PLCE1: variants seen among roughly 807,000 people sequenced by gnomAD.
PLCE1 encodes 1-phosphatidylinositol 4,5-bisphosphate phosphodiesterase epsilon-1.
In PLCE1, 119 loss-of-function variants were observed where a neutral mutation model predicts 242.8. The ratio of observed to expected loss-of-function variants is 0.49; its 90% confidence interval spans 0.42 to 0.57. PLCE1 has a LOEUF of 0.57. Ranked by LOEUF, PLCE1 falls within the 20% of genes least tolerant of loss-of-function variation. PLCE1 has a pLI of 0.00. For synonymous variants in PLCE1, 945 were observed against 1,017.4 expected (o/e 0.93, Z 1.35); for missense variants, 2,441 against 2,788.8 (o/e 0.88, Z 2.81).
intron 5 of PLCE1, among the ~76,000 whole-genome samples, chr10:94,229,050 C>A (rs1442781836): frequency 6.6e-6 from 1 of 151,982 alleles, no homozygotes; most frequent in African/African-American, 2.4e-5. Flanking sequence ...GGCATGGTGG[C>A]AGGCGCCTGT....
At chr10:94,323,987 C>A (rs1367707913) in intron 30 of PLCE1, among the ~76,000 whole-genome samples, 1 of 152,200 alleles carries the variant, frequency 6.6e-6, no homozygotes, top group East Asian at 1.9e-4. Context: ...TCCTCACTGG[C>A]TGACTTTCAT....
intron 18 of PLCE1, among the ~76,000 whole-genome samples, chr10:94,273,345 G>A (rs899603317): frequency 2.0e-5 from 3 of 152,096 alleles, no homozygotes; most frequent in East Asian, 3.8e-4. Context: ...GAGTGGCCTC[G>A]ACCTCTCCTC....
At chr10:94,279,182 C>T (rs987582622) in intron 19 of PLCE1, 4 of 157,684 alleles carry the variant, frequency 2.5e-5, no homozygotes, top group African/African-American at 9.7e-5. Context: ...ACAGTAATTC[C>T]AGTAAACACG....
intron 2 of PLCE1, among the ~76,000 whole-genome samples, chr10:94,131,845 G>T (rs1047133091): frequency 2.0e-5 from 3 of 152,204 alleles, no homozygotes; most frequent in Non-Finnish European, 2.9e-5. Context: ...CAGAAGGAAA[G>T]GTTTGCCTTC....
At chr10:94,301,237 A>G (rs935125702) in intron 24 of PLCE1, among the ~76,000 whole-genome samples, 3 of 151,752 alleles carry the variant, frequency 2.0e-5, no homozygotes, top group Non-Finnish European at 4.4e-5. Context: ...CCAGCTACTC[A>G]GGAGGCTAAG....
At chr10:94,160,608 A>C (rs1406559944) in intron 3 of PLCE1, among the ~76,000 whole-genome samples, 1 of 152,158 alleles carries the variant, frequency 6.6e-6, no homozygotes, top group Non-Finnish European at 1.5e-5. Context: ...TGCTGTGCAG[A>C]AGCTCTTTAG....
At chr10:94,286,709 A>T (rs991533067) in intron 22 of PLCE1, 1 of 152,176 alleles carries the variant, frequency 6.6e-6, no homozygotes, top group Non-Finnish European at 1.5e-5. Context: ...GCCAGCAAAG[A>T]TTTCAGAGAA....
chr10:94,089,271 G>T (rs774534887), intron 2 of PLCE1: 2 of 1,613,842 alleles, frequency 1.2e-6, no homozygotes, highest in Non-Finnish European at 8.5e-7. Flanking sequence ...GGCTTTGCAC[G>T]CTCTCAGCTG....
chr10:94,071,495 G>GTTTTTTTTTTTTTTTTTTTTTT lies in PLCE1; in HGVS notation c.1206+39264_1206+39265insTTTTTTTTTTTTTTTTTTTTTT, dbSNP rs559496577. ...GTCTGTGTGTGTGTGTTTGGTTTTCGTTTTTTTTTTTTTTTTTTTTTGAGT... is the reference window on the plus strand; with the variant it reads ...GTCTGTGTGTGTGTGTTTGGTTTTCGTTTTTTTTTTTTTTTTTTTTTTTTTTTTTTTTTTTTTTTTTTTGAGT... On this transcript the variant is annotated intron_variant, in intron 2 of 32. Transcript: ENST00000371380. Among the ~76,000 whole-genome samples, 22 of 83,308 alleles carry GTTTTTTTTTTTTTTTTTTTTTT rather than the reference G, an allele frequency of 2.6e-4. 6 individuals carry two copies. The highest frequency in any genetic ancestry group is 8.8e-4 in the East Asian group (2 of 2,282). The allele number at this position is 83,308 out of a possible 152,430, so 54.7% of individuals were successfully genotyped here.
intron 29 of PLCE1, among the ~76,000 whole-genome samples, chr10:94,319,144 C>A (rs1213044337): frequency 6.6e-6 from 1 of 152,084 alleles, no homozygotes; most frequent in Non-Finnish European, 1.5e-5. Flanking sequence ...GAAAAAGGGG[C>A]ATAAATCAGA....
Position 94,283,680 on chromosome 10 carries a change from C to T in PLCE1, c.4796-110C>T, listed in dbSNP as rs1259126012. On this transcript the variant is annotated intron_variant, in intron 20 of 32. Transcript: ENST00000371380. ...TTAACATACTATATAGTTAGAGCCT[C>T]ATTCTTATAGATAAGTACAAGTATC... 1.7e-5 allele frequency: 20 copies of T among 1,181,678 alleles called. No individual in the cohort carries two copies. In the Admixed American group the frequency reaches 2.4e-4, roughly 14 times the overall value. The allele number at this position is 1,181,678 out of a possible 1,614,324, so 73.2% of individuals were successfully genotyped here.
intron 2 of PLCE1, among the ~76,000 whole-genome samples, chr10:94,048,954 G>A (rs1925242): frequency 0.4 from 60,481 of 151,194 alleles, 14,940 homozygotes; most frequent in African/African-American, 0.71. Context: ...AGTAGGGATG[G>A]CATCTCACTG....
At chr10:94,002,515 A>G (rs1172712500) in intron 1 of PLCE1, among the ~76,000 whole-genome samples, 1 of 152,210 alleles carries the variant, frequency 6.6e-6, no homozygotes, top group Non-Finnish European at 1.5e-5. Context: ...TTTAGGAGAT[A>G]CTCATTTTTA....
At chr10:94,318,958 G>C (rs1311536978) in intron 29 of PLCE1, among the ~76,000 whole-genome samples, 1 of 152,198 alleles carries the variant, frequency 6.6e-6, no homozygotes, top group Non-Finnish European at 1.5e-5. Flanking sequence ...TGAGGCAGGA[G>C]AATCACTTGA....
At chr10:94,216,703 A>G (rs2049541393) in intron 4 of PLCE1, among the ~76,000 whole-genome samples, 1 of 152,044 alleles carries the variant, frequency 6.6e-6, no homozygotes, top group African/African-American at 2.4e-5. Flanking sequence ...ATGTCATAGG[A>G]AACTTAAAAT....
chr10:94,101,350 A>G (rs1009150296), intron 2 of PLCE1, among the ~76,000 whole-genome samples: 6 of 152,340 alleles, frequency 3.9e-5, no homozygotes, highest in African/African-American at 1.2e-4. Flanking sequence ...ATAAAGTAAT[A>G]CTGAAAACAG....
intron 32 of PLCE1, among the ~76,000 whole-genome samples, chr10:94,327,629 C>G (rs1451873356): frequency 6.6e-6 from 1 of 152,154 alleles, no homozygotes; most frequent in Non-Finnish European, 1.5e-5. Context: ...TTTCAATAAT[C>G]TACAGATTTT....
chr10:94,215,663 G>A (rs559601583), intron 4 of PLCE1, among the ~76,000 whole-genome samples: 1 of 152,278 alleles, frequency 6.6e-6, no homozygotes, highest in South Asian at 2.1e-4. Flanking sequence ...CAAGATAAGA[G>A]CTAGACATTT....
At chr10:94,157,550 A>G (rs1450894575) in intron 3 of PLCE1, among the ~76,000 whole-genome samples, 1 of 152,174 alleles carries the variant, frequency 6.6e-6, no homozygotes, top group African/African-American at 2.4e-5. Flanking sequence ...CCACACCAGT[A>G]AGGGAGGCAG....
Sources: gnomAD v4.1 joint callset for allele counts (sites outside exome capture counted in the v4.1 genomes callset) on GRCh38, gnomAD v4.1.1 for gene constraint, MANE v1.5 for transcripts, NCBI Gene and HGNC (gene_info 2026-07-23, HGNC 2026-07-21) for gene names.